PCDH11X: variants seen among roughly 807,000 people sequenced by gnomAD.
PCDH11X encodes protocadherin 11 X-linked.
PCDH11X carries 18 observed loss-of-function variants against 53.3 expected under a neutral mutation model. The ratio of observed to expected loss-of-function variants is 0.34; its 90% CI spans 0.23 to 0.50. The LOEUF (loss-of-function observed/expected upper bound fraction) is 0.50, where lower values mean the gene tolerates loss of function less well. Ranked by LOEUF, PCDH11X falls within the 20% of genes least tolerant of loss-of-function variation. The probability of loss-of-function intolerance (pLI) is 0.98; values close to 1 mark genes in which losing one functional copy is unlikely to be tolerated. For synonymous variants in PCDH11X, 279 were observed against 393.3 expected, an observed-to-expected ratio of 0.71 and a Z score of 3.44; for missense variants, 570 against 1,032.4, an observed-to-expected ratio of 0.55 and a Z score of 6.14.
intron 6 of PCDH11X, among the ~76,000 whole-genome samples, chrX:92,112,758 A>G (rs1317512830): frequency 8.3e-5 from 9 of 108,725 alleles, no homozygotes; most frequent in Admixed American, 2.9e-4. Flanking sequence ...TTTTTAAATC[A>G]TGGCACCTGA....
intron 8 of PCDH11X, among the ~76,000 whole-genome samples, chrX:92,363,097 A>C (rs2070384261): frequency 9.0e-6 from 1 of 110,853 alleles, no homozygotes; most frequent in Admixed American, 9.6e-5. Context: ...GAGACTTTTT[A>C]CTTTATTCTT....
intron 7 of PCDH11X, among the ~76,000 whole-genome samples, chrX:92,241,969 G>A (rs373566849): frequency 7.3e-5 from 8 of 110,115 alleles, no homozygotes; most frequent in East Asian, 5.8e-4. Flanking sequence ...CACCACCAGA[G>A]TCAAGATACT....
intron 9 of PCDH11X, among the ~76,000 whole-genome samples, chrX:92,445,765 T>C (rs191071273): frequency 0.013 from 1,396 of 110,199 alleles, 25 homozygotes; most frequent in African/African-American, 0.043. Flanking sequence ...AAAATTATGC[T>C]AGCTCTGAGG....
At chrX:92,491,411 G>A (rs1322025184) in intron 10 of PCDH11X, among the ~76,000 whole-genome samples, 1 of 110,155 alleles carries the variant, frequency 9.1e-6, no homozygotes, top group Admixed American at 9.7e-5. Flanking sequence ...TTGATATCTT[G>A]TATTCAGTCT....
chrX:91,888,299 T>C (rs891424362), intron 6 of PCDH11X, among the ~76,000 whole-genome samples: 2 of 111,892 alleles, frequency 1.8e-5, no homozygotes, highest in African/African-American at 6.5e-5. Flanking sequence ...ATGTACCAAT[T>C]ATATATTGAT....
intron 5 of PCDH11X, among the ~76,000 whole-genome samples, chrX:91,868,868 C>T (rs1939130402): frequency 9.0e-6 from 1 of 111,362 alleles, no homozygotes; most frequent in African/African-American, 3.3e-5. Flanking sequence ...ACACCTGCAA[C>T]ATAAAAAGCT....
chrX:92,559,896 G>A (rs1438260265), intron 10 of PCDH11X, among the ~76,000 whole-genome samples: 1 of 111,124 alleles, frequency 9.0e-6, no homozygotes, highest in Non-Finnish European at 1.9e-5. Context: ...ATGCAATTGC[G>A]AGGCAACTCC....
chrX:92,119,955 T>A (rs968616111), intron 6 of PCDH11X, among the ~76,000 whole-genome samples: 1 of 110,142 alleles, frequency 9.1e-6, no homozygotes, highest in Non-Finnish European at 1.9e-5. Flanking sequence ...TGATACATAT[T>A]GTCAGGTACT....
chrX:91,997,673 A>AT lies in PCDH11X; in HGVS notation c.3033+118408dup, dbSNP rs761790978. 2.7e-5 allele frequency among the ~76,000 whole-genome samples: 3 copies of AT among 111,209 alleles called. No homozygotes were observed. The East Asian group carries it at 8.5e-4, about 31-fold the overall frequency. On this transcript the variant is annotated intron_variant, in intron 6 of 10. Transcript: ENST00000682573. ...ATGTTTATCAGACATATTGAATATAATTTTTTTTATAATGTCCTTGTCTGG... is the reference window on the plus strand; with the variant it reads ...ATGTTTATCAGACATATTGAATATAATTTTTTTTTATAATGTCCTTGTCTGG...
intron 9 of PCDH11X, among the ~76,000 whole-genome samples, chrX:92,429,220 A>G (rs1247053104): frequency 9.0e-6 from 1 of 111,139 alleles, no homozygotes; most frequent in Non-Finnish European, 1.9e-5. Context: ...GAAATCCAAC[A>G]GTATTTGAAA....
Position 92,084,424 on chromosome X carries a change from G to A in PCDH11X, c.3034-116951G>A, listed in dbSNP as rs1041344986. Among the ~76,000 whole-genome samples the A allele has an allele frequency of 1.8e-4, 19 of 108,000 alleles. No homozygotes were observed. The South Asian group carries it at 4.9e-3, about 28-fold the overall frequency. The allele number at this position is 108,000 out of a possible 115,157, so 93.8% of individuals were successfully genotyped here. ...TAGCCGGGTGTGGTGGCGCATGCCT[G>A]TAATCCCTGCTACTAGGGAGACTGA... On this transcript the variant is annotated intron_variant, in intron 6 of 10. Coordinates refer to ENST00000682573, the MANE Select transcript of PCDH11X (RefSeq NM_032968.5).
intron 10 of PCDH11X, among the ~76,000 whole-genome samples, chrX:92,610,023 T>G (rs1000170862): frequency 7.1e-5 from 8 of 112,033 alleles, no homozygotes; most frequent in African/African-American, 2.6e-4. Flanking sequence ...TGACTCCATG[T>G]CTTTGCTATT....
chrX:92,581,129 GA>G (rs34986918), intron 10 of PCDH11X, among the ~76,000 whole-genome samples: 249 of 111,697 alleles, frequency 2.2e-3, no homozygotes, highest in Middle Eastern at 9.3e-3. Context: ...AATAAATAGA[GA>G]AAAAAATCTG....
intron 8 of PCDH11X, among the ~76,000 whole-genome samples, chrX:92,364,580 C>A (rs2070420676): frequency 9.0e-6 from 1 of 110,547 alleles, no homozygotes; most frequent in African/African-American, 3.3e-5. Flanking sequence ...AAACATGTAC[C>A]AGGCTAATAC....
At chrX:92,020,326 T>C (rs1431655138) in intron 6 of PCDH11X, among the ~76,000 whole-genome samples, 1 of 112,155 alleles carries the variant, frequency 8.9e-6, no homozygotes, top group African/African-American at 3.2e-5. Flanking sequence ...CAGCCATCTC[T>C]ATAGCTCCAG....
intron 6 of PCDH11X, among the ~76,000 whole-genome samples, chrX:92,020,264 A>G: frequency 8.9e-6 from 1 of 112,008 alleles, no homozygotes; most frequent in Middle Eastern, 4.6e-3. Context: ...GGCAGCCAGC[A>G]TTGGGACTAA....
rs750303513 is a variant in PCDH11X, at chrX:92,007,538, A to C, written c.3033+128265A>C. Among the ~76,000 whole-genome samples, 19 of 111,727 alleles carry C rather than the reference A, an allele frequency of 1.7e-4. No individual in the cohort carries two copies. In the East Asian group the frequency reaches 5.5e-3, roughly 32 times the overall value. On this transcript the variant is annotated intron_variant, in intron 6 of 10. Coordinates refer to ENST00000682573, the MANE Select transcript of PCDH11X (RefSeq NM_032968.5). Reference sequence around the variant, plus strand: ...CTCCTCTGACTCAGGTCAGGTCCAGAAATGCCACCTAAGGGTCAAGTCCTG... The same window carrying C: ...CTCCTCTGACTCAGGTCAGGTCCAGCAATGCCACCTAAGGGTCAAGTCCTG...
intron 7 of PCDH11X, among the ~76,000 whole-genome samples, chrX:92,249,908 T>G (rs1326150260): frequency 8.9e-6 from 1 of 111,749 alleles, no homozygotes. Context: ...TGCAATATCA[T>G]CGTCCCATGA....
intron 6 of PCDH11X, among the ~76,000 whole-genome samples, chrX:91,969,773 G>C (rs1364033092): frequency 9.7e-6 from 1 of 103,251 alleles, no homozygotes; most frequent in Non-Finnish European, 2.0e-5. Context: ...CTGCAGCCTG[G>C]GTGACTGAGT....
Sources: gnomAD v4.1 joint callset for allele counts (sites outside exome capture counted in the v4.1 genomes callset) on GRCh38, gnomAD v4.1.1 for gene constraint, MANE v1.5 for transcripts, NCBI Gene and HGNC (gene_info 2026-07-23, HGNC 2026-07-21) for gene names.